DRD4: variants seen among roughly 807,000 people sequenced by gnomAD.
DRD4 encodes the protein dopamine receptor D4.
A neutral mutation model predicts 22.1 loss-of-function variants in DRD4; 26 were observed. The ratio of observed to expected loss-of-function variants is 1.17; its 90% CI spans 0.86 to 1.63. The LOEUF (loss-of-function observed/expected upper bound fraction) is 1.63. Among genes scored for constraint, DRD4 ranks in the 40% most tolerant of loss-of-function variants. The pLI is 0.00. For synonymous variants in DRD4, 455 were observed against 306.7 expected (o/e 1.48, Z -5.05); for missense variants, 913 against 632.4 (o/e 1.44, Z -4.76).
At position 640,202 on chromosome 11, in the gene DRD4, C is replaced by A; in HGVS notation, c.953C>A (p.Ala318Asp). 2.6e-6 allele frequency: 4 copies of A among 1,531,968 alleles called. No individual in the cohort carries two copies. Among genetic ancestry groups the A allele is most frequent in the Non-Finnish European group, 2.6e-6 (3 of 1,145,808 alleles). 94.9% of individuals were successfully genotyped at this position (1,531,968 alleles called of 1,614,324 possible). A position where few individuals can be genotyped will look rare whatever the true frequency, so the allele number is the denominator to read the frequency against. Residue 318 changes from alanine to aspartate, a missense_variant, in exon 3 of 4, where the codon GCC becomes GAC. By Grantham distance (126) the Ala-to-Asp change is moderately radical. Coordinates refer to ENST00000176183, the MANE Select transcript of DRD4 (RefSeq NM_000797.4). ...SNCAPPDAVRAAALPPQTPPQ... is the reference protein window; with the variant it reads ...SNCAPPDAVRDAALPPQTPPQ... ...TGTGCTCCCCCCGACGCCGTCAGAG[C>A]CGCCGCGCTCCCACCCCAGACTCCA...
intron 1 of DRD4, among the ~76,000 whole-genome samples, 161 bp downstream of exon 1, chr11:637,750 C>T (rs1044687082): frequency 3.9e-5 from 6 of 152,248 alleles, no homozygotes; most frequent in East Asian, 3.9e-4. Flanking sequence ...ATACACCCAC[C>T]GCCGCCACCT....
chr11:639,766 G>C lies in DRD4; in HGVS notation c.517G>C (p.Gly173Arg). 2 of 1,572,766 alleles carry C rather than the reference G, an allele frequency of 1.3e-6. No individual in the cohort carries two copies. The highest frequency in any genetic ancestry group is 1.7e-6 in the Non-Finnish European group (2 of 1,168,656). Reference sequence around the variant, plus strand: ...GGCGGTGGCGGCGCCCGTACTGTGCGGCCTCAACGACGTGCGCGGCCGCGA... The same window carrying C: ...GGCGGTGGCGGCGCCCGTACTGTGCCGCCTCAACGACGTGCGCGGCCGCGA... ...SAAVAAPVLC[G>R]LNDVRGRDPA... The change falls in exon 3 of 4, where the codon GGC becomes CGC. Residue 173 changes from glycine to arginine, a missense_variant. Physicochemically the swap from Gly to Arg is moderately radical, Grantham distance 125 (BLOSUM62 -2). Transcript: ENST00000176183.
chr11:637,718 C>T (rs942040762), intron 1 of DRD4, 129 bp downstream of exon 1: 28 of 1,489,724 alleles, frequency 1.9e-5, no homozygotes, highest in Admixed American at 1.2e-4. Context: ...GCGGCAGGGG[C>T]GCTGCGCCTT....
Position 640,631 on chromosome 11 carries a change from C to G in DRD4, c.*28C>G. On this transcript the variant is annotated 3_prime_UTR_variant, in exon 4 of 4. Coordinates refer to ENST00000176183, the MANE Select transcript of DRD4 (RefSeq NM_000797.4). ...CGGGCACCCCCGGACGCCCCCCGGC[C>G]TGATGGCCAGGCCTCAGGGACCAAG... 1 of 1,598,508 alleles carries G rather than the reference C, an allele frequency of 6.3e-7. No individual in the cohort carries two copies. Among genetic ancestry groups the G allele is most frequent in the Non-Finnish European group, 8.5e-7 (1 of 1,179,418 alleles).
chr11:639,984 CCCCACGCCA>C lies in DRD4; in HGVS notation c.739_747del (p.Thr247_Pro249del), dbSNP rs773626183. The C allele has an allele frequency of 6.2e-4, 830 of 1,336,428 alleles. 6 individuals carry two copies. In the African/African-American group the frequency reaches 0.012, roughly 19 times the overall value. The allele number at this position is 1,336,428 out of a possible 1,614,324, so 82.8% of individuals were successfully genotyped here. ...GACCCAGCGGCCCTGGCCCGCCTTCCCCCACGCCACCCGCGCCCCGCCTCCCCCAGGACC... is the reference window on the plus strand; with the variant it reads ...GACCCAGCGGCCCTGGCCCGCCTTCCCCCGCGCCCCGCCTCCCCCAGGACC... On this transcript the variant is annotated inframe_deletion, in exon 3 of 4. Coordinates refer to ENST00000176183, the MANE Select transcript of DRD4 (RefSeq NM_000797.4).
rs1035456517 is a variant in DRD4, at chr11:640,605, C to T, written c.*2C>T. ...AAGGCCCTGCGTGCCTGCTGCTGAG[C>T]CGGGCACCCCCGGACGCCCCCCGGC... On this transcript the variant is annotated 3_prime_UTR_variant, in exon 4 of 4. Transcript: ENST00000176183. 2.5e-6 allele frequency: 4 copies of T among 1,599,174 alleles called. No homozygotes were observed. Among genetic ancestry groups the T allele is most frequent in the South Asian group, 1.1e-5 (1 of 91,076 alleles).
At chr11:637,715 G>T in intron 1 of DRD4, 126 bp downstream of exon 1, 1 of 1,495,052 alleles carries the variant, frequency 6.7e-7, no homozygotes, top group Non-Finnish European at 9.0e-7. Flanking sequence ...GCGGCGGCAG[G>T]GGCGCTGCGC....
chr11:639,229 G>C, intron 1 of DRD4: 1 of 581,050 alleles, frequency 1.7e-6, no homozygotes, highest in Non-Finnish European at 3.1e-6. Flanking sequence ...CACTCCAGCC[G>C]CGGTGACACA....
intron 1 of DRD4, among the ~76,000 whole-genome samples, chr11:637,911 G>C (rs898655555): frequency 1.3e-5 from 2 of 152,198 alleles, no homozygotes; most frequent in African/African-American, 2.4e-5. Context: ...AGTCCCCTCC[G>C]TAGCTGGATT....
chr11:637,774 C>G (rs1858097774), intron 1 of DRD4, among the ~76,000 whole-genome samples, 185 bp downstream of exon 1: 1 of 152,242 alleles, frequency 6.6e-6, no homozygotes, highest in African/African-American at 2.4e-5. Flanking sequence ...GACCTTCCAC[C>G]CGCTGCGCTG....
Position 637,524 on chromosome 11 carries a change from G to T in DRD4, c.220G>T (p.Val74Leu). 6.4e-7 allele frequency: 1 copy of T among 1,566,064 alleles called. No homozygotes were observed. The highest frequency in any genetic ancestry group is 2.3e-5 in the East Asian group (1 of 42,708). ...ALQTPTNSFI[V>L]SLAAADLLLA... ...GCAGACGCCCACCAACTCCTTCATCGTGAGCCTGGCGGCCGCCGACCTCCT... is the reference window on the plus strand; with the variant it reads ...GCAGACGCCCACCAACTCCTTCATCTTGAGCCTGGCGGCCGCCGACCTCCT... The change falls in exon 1 of 4, where the codon GTG (valine) becomes TTG (leucine). Residue 74 changes from valine to leucine, a missense_variant. Coordinates refer to ENST00000176183, the MANE Select transcript of DRD4 (RefSeq NM_000797.4).
intron 1 of DRD4, chr11:639,147 C>G (rs1337637863): frequency 1.4e-4 from 65 of 469,896 alleles, no homozygotes; most frequent in Non-Finnish European, 1.8e-4. Context: ...CCCAGCTACT[C>G]TGGAGACTGA....
In DRD4 at chr11:639,808, C is replaced by T. The variant is rs750412793; in HGVS notation, c.559C>T (p.Leu187=). Residue 187 remains leucine (L), a synonymous_variant, in exon 3 of 4, where the codon CTG becomes TTG. Transcript: ENST00000176183. ...CGGCCGCGACCCCGCCGTGTGCCGCCTGGAGGACCGCGACTACGTGGTCTA... is the reference window on the plus strand; with the variant it reads ...CGGCCGCGACCCCGCCGTGTGCCGCTTGGAGGACCGCGACTACGTGGTCTA... ...VRGRDPAVCR[L]EDRDYVVYSS... is the part of the protein sequence containing the mutation. 2.5e-6 allele frequency: 4 copies of T among 1,582,348 alleles called. No individual in the cohort carries two copies. Among genetic ancestry groups the T allele is most frequent in the East Asian group, 4.6e-5 (2 of 43,862 alleles).
At position 637,465 on chromosome 11, in the gene DRD4, T is replaced by G. The variant is rs1228455410; in HGVS notation, c.161T>G (p.Leu54Arg). ...GGCGCGGTGCTCGCGGGGAACTCGC[T>G]CGTGTGCGTGAGCGTGGCCACCGAG... The part of the protein sequence containing the change: ...LIGAVLAGNS[L>R]VCVSVATERA... The change falls in exon 1 of 4, where the codon CTC becomes CGC. Residue 54 changes from leucine (L) to arginine (R), a missense_variant. Leu to Arg is a moderately radical substitution (Grantham distance 102). Coordinates refer to ENST00000176183, the MANE Select transcript of DRD4 (RefSeq NM_000797.4). The G allele has an allele frequency of 6.5e-7, 1 of 1,537,220 alleles. No homozygotes were observed.
rs192669730 is a variant in DRD4, at chr11:637,451, C to T, written c.147C>T (p.Leu49=). 222 of 1,534,294 alleles carry T rather than the reference C, an allele frequency of 1.4e-4. No individual in the cohort carries two copies. In the African/African-American group the frequency reaches 2.6e-3, roughly 18 times the overall value. ...VGGVLLIGAV[L]AGNSLVCVSV... ...GCGTGCTGCTCATCGGCGCGGTGCT[C>T]GCGGGGAACTCGCTCGTGTGCGTGA... Residue 49 remains leucine, a synonymous_variant, in exon 1 of 4, where the codon CTC becomes CTT. Coordinates refer to ENST00000176183, the MANE Select transcript of DRD4 (RefSeq NM_000797.4).
chr11:637,373 TGCGGGGGCATC>T lies in DRD4; in HGVS notation c.70_80del (p.Ala24CysfsTer422), dbSNP rs1564911675. ...GGCGCGGGCCGGCCGCGGGGGCATC[TGCGGGGGCATC>T]TGCGGGGCTGGCTGGGCAGGGCGCG... On this transcript the variant is annotated frameshift_variant, in exon 1 of 4. Transcript: ENST00000176183. LOFTEE classifies it high-confidence loss of function. The T allele has an allele frequency of 2.6e-6, 3 of 1,173,502 alleles. No homozygotes were observed. In the African/African-American group the frequency reaches 4.9e-5, roughly 19 times the overall value. 72.7% of individuals were successfully genotyped at this position (1,173,502 alleles called of 1,614,324 possible).
In DRD4 at chr11:639,804, C is replaced by T. The variant is rs1487877867; in HGVS notation, c.555C>T (p.Cys185=). 3 of 1,581,690 alleles carry T rather than the reference C, an allele frequency of 1.9e-6. No homozygotes were observed. Among genetic ancestry groups the T allele is most frequent in the Admixed American group, 1.7e-5 (1 of 58,614 alleles). Residue 185 remains cysteine, a synonymous_variant, in exon 3 of 4, where the codon TGC becomes TGT. Transcript: ENST00000176183. ...NDVRGRDPAV[C]RLEDRDYVVY... is the part of the protein sequence containing the mutation. ...TGCGCGGCCGCGACCCCGCCGTGTG[C>T]CGCCTGGAGGACCGCGACTACGTGG...
At position 640,559 on chromosome 11, in the gene DRD4, G is replaced by C; in HGVS notation, c.1216G>C (p.Glu406Gln). ...CGTCATCTACACTGTCTTCAACGCC[G>C]AGTTCCGCAACGTCTTCCGCAAGGC... is the stretch of plus-strand genomic sequence containing the variant. ...NPVIYTVFNAEFRNVFRKALR... is the reference protein window; with the variant it reads ...NPVIYTVFNAQFRNVFRKALR... Residue 406 changes from glutamate (E) to glutamine (Q), a missense_variant, in exon 4 of 4, where the codon GAG becomes CAG. Physicochemically the swap from Glu to Gln is conservative, Grantham distance 29 (BLOSUM62 2). Transcript: ENST00000176183. The C allele has an allele frequency of 6.2e-7, 1 of 1,600,394 alleles. No individual in the cohort carries two copies. Among genetic ancestry groups the C allele is most frequent in the East Asian group, 2.2e-5 (1 of 44,864 alleles).
chr11:639,548 G>A lies in DRD4; in HGVS notation c.398+3G>A. On this transcript the variant is annotated splice_donor_region_variant and intron_variant, in intron 2 of 3. Coordinates refer to ENST00000176183, the MANE Select transcript of DRD4 (RefSeq NM_000797.4). Reference sequence around the variant, plus strand: ...CTGTGCGCCATCAGCGTGGACAGGTGCGCCGCCCTCCCCGCCCGCGCCCCG... The same window carrying A: ...CTGTGCGCCATCAGCGTGGACAGGTACGCCGCCCTCCCCGCCCGCGCCCCG... The A allele has an allele frequency of 2.0e-6, 3 of 1,515,152 alleles. No individual in the cohort carries two copies. Among genetic ancestry groups the A allele is most frequent in the Non-Finnish European group, 2.6e-6 (3 of 1,137,136 alleles). The allele number at this position is 1,515,152 out of a possible 1,614,324, so 93.9% of individuals were successfully genotyped here. A position where few individuals can be genotyped will look rare whatever the true frequency, so the allele number is the denominator to read the frequency against.
Sources: allele counts gnomAD v4.1 joint callset (sites outside exome capture counted in the v4.1 genomes callset), GRCh38; gene constraint gnomAD v4.1.1; transcripts MANE v1.5; gene names NCBI Gene and HGNC (gene_info 2026-07-23, HGNC 2026-07-21).